Variants in GPHN observed in about 807,000 individuals in gnomAD.
GPHN encodes the protein gephyrin.
A neutral mutation model predicts 95.5 loss-of-function variants in GPHN; 17 were observed. The observed-to-expected ratio is 0.18, with a 90% CI of 0.12 to 0.27. The LOEUF (loss-of-function observed/expected upper bound fraction) is 0.27, where lower values mean the gene tolerates loss of function less well. Ranked by LOEUF, GPHN falls within the 10% of genes least tolerant of loss-of-function variation. The pLI, the probability that GPHN is intolerant of heterozygous loss-of-function variation, is 1.00. For synonymous variants in GPHN, 320 were observed against 322.5 expected (o/e 0.99, Z 0.08); for missense variants, 660 against 978.1 (o/e 0.67, Z 4.34).
At chr14:66,587,450 C>T (rs1035030192) in intron 1 of GPHN, among the ~76,000 whole-genome samples, 1 of 152,110 alleles carries the variant, frequency 6.6e-6, no homozygotes, top group African/African-American at 2.4e-5. Context: ...GCCAATATTC[C>T]TGATAAACAG....
chr14:67,341,052 G>T, the GPHN span, among the ~76,000 whole-genome samples: 1 of 152,172 alleles, frequency 6.6e-6, no homozygotes, highest in Non-Finnish European at 1.5e-5. Context: ...CGCCTGCCTT[G>T]GCCTCCCAAA....
chr14:66,661,953 C>G (rs72726462), intron 1 of GPHN, among the ~76,000 whole-genome samples: 8,929 of 152,210 alleles, frequency 0.059, 358 homozygotes, highest in Middle Eastern at 0.099. Flanking sequence ...CCTTGCAGGG[C>G]GGGACTTCCC....
the GPHN span, among the ~76,000 whole-genome samples, chr14:67,444,215 A>G: frequency 6.6e-6 from 1 of 152,188 alleles, no homozygotes; most frequent in Non-Finnish European, 1.5e-5. Flanking sequence ...CACCTTGAGC[A>G]TATGTTGTCA....
chr14:67,275,668 A>G, the GPHN span, among the ~76,000 whole-genome samples: 1 of 151,950 alleles, frequency 6.6e-6, no homozygotes, highest in Admixed American at 6.6e-5. Context: ...CTCTTTTTCT[A>G]TTGATTGCAA....
chr14:66,941,049 G>A (rs117876519), intron 8 of GPHN, among the ~76,000 whole-genome samples: 1,831 of 152,044 alleles, frequency 0.012, 19 homozygotes, highest in Non-Finnish European at 0.018. Flanking sequence ...GGATTTGCAG[G>A]TTAATTGCTC....
the GPHN span, among the ~76,000 whole-genome samples, chr14:67,297,470 C>T: frequency 1.3e-5 from 2 of 152,070 alleles, no homozygotes; most frequent in East Asian, 3.8e-4. Context: ...GAAAAGGTCA[C>T]TTCATAAAAC....
At chr14:67,588,841 G>GT in the GPHN span, 308 of 152,742 alleles carry the variant, frequency 2.0e-3, 5 homozygotes, top group Admixed American at 0.02. Flanking sequence ...CTCAGCTGCT[G>GT]TAAGCTTCTC....
chr14:67,638,987 G>C, the GPHN span, among the ~76,000 whole-genome samples: 1 of 152,188 alleles, frequency 6.6e-6, no homozygotes, highest in Non-Finnish European at 1.5e-5. Flanking sequence ...TGGACAATGT[G>C]GACAGAATCC....
At chr14:66,602,262 G>C (rs1178595838) in intron 1 of GPHN, among the ~76,000 whole-genome samples, 2 of 151,930 alleles carry the variant, frequency 1.3e-5, no homozygotes, top group Non-Finnish European at 2.9e-5. Flanking sequence ...CTGTGAGAGT[G>C]ATCAAAGTGC....
the GPHN span, among the ~76,000 whole-genome samples, chr14:67,451,481 C>T: frequency 0.014 from 2,169 of 152,324 alleles, 58 homozygotes; most frequent in African/African-American, 0.05. Flanking sequence ...CTGCTCAAGA[C>T]CATGGGAACC....
chr14:67,595,896 A>G, the GPHN span, among the ~76,000 whole-genome samples: 1 of 152,104 alleles, frequency 6.6e-6, no homozygotes, highest in Non-Finnish European at 1.5e-5. Context: ...CTCCTACCTT[A>G]TGACTTCTTG....
intron 17 of GPHN, among the ~76,000 whole-genome samples, chr14:67,138,627 G>A (rs978191045): frequency 8.6e-5 from 13 of 151,984 alleles, no homozygotes; most frequent in Non-Finnish European, 1.8e-4. Flanking sequence ...TCTGAGCGAT[G>A]GATACATGGG....
At chr14:67,340,283 A>G in the GPHN span, 1 of 632,400 alleles carries the variant, frequency 1.6e-6, no homozygotes, top group Admixed American at 3.0e-5. Context: ...ATTTGTTTCC[A>G]CAACTTCTGG....
chr14:67,597,177 C>A, the GPHN span, among the ~76,000 whole-genome samples: 1 of 152,184 alleles, frequency 6.6e-6, no homozygotes, highest in East Asian at 1.9e-4. Context: ...ACTATCTAGT[C>A]TTTTAATGAA....
chr14:67,453,052 C>T, the GPHN span, among the ~76,000 whole-genome samples: 1 of 152,200 alleles, frequency 6.6e-6, no homozygotes, highest in Admixed American at 6.5e-5. Context: ...AATTTTCTGT[C>T]TTCACACATG....
intron 11 of GPHN, 149 bp downstream of exon 11, chr14:67,058,935 C>A (rs574604120): frequency 1.3e-6 from 1 of 754,478 alleles, no homozygotes; most frequent in South Asian, 1.6e-5. Context: ...TATTTCTACT[C>A]AATAAGAAAA....
intron 9 of GPHN, among the ~76,000 whole-genome samples, chr14:66,974,221 A>G (rs1471551733): frequency 2.6e-5 from 4 of 152,228 alleles, no homozygotes; most frequent in Admixed American, 2.6e-4. Context: ...AAAGAATTTA[A>G]TATTTTGATG....
intron 3 of GPHN, among the ~76,000 whole-genome samples, chr14:66,779,245 T>A (rs2153462803): frequency 6.6e-6 from 1 of 152,318 alleles, no homozygotes; most frequent in South Asian, 2.1e-4. Context: ...TTGTGTGAAC[T>A]TGTAAAATAT....
chr14:67,098,579 G>A lies in GPHN; in HGVS notation c.1238-2277G>A, dbSNP rs370782229. ...AACCCCAGCATTTTGGGAGGCCGAG[G>A]CAGGCGGATCACCTGAGGTCAGGAG... On this transcript the variant is annotated intron_variant, in intron 12 of 22. Transcript: ENST00000478722. Among the ~76,000 whole-genome samples the A allele has an allele frequency of 6.0e-4, 92 of 152,226 alleles. 3 individuals carry two copies. The highest frequency in any genetic ancestry group is 2.1e-3 in the African/African-American group (89 of 41,540).
Sources: gnomAD v4.1 joint callset for allele counts (sites outside exome capture counted in the v4.1 genomes callset) on GRCh38, gnomAD v4.1.1 for gene constraint, MANE v1.5 for transcripts, NCBI Gene and HGNC (gene_info 2026-07-23, HGNC 2026-07-21) for gene names.